The following LYRM4 variants were observed in gnomAD, a reference collection of about 807,000 sequenced individuals.
LYRM4 encodes the protein LYR motif-containing protein 4.
A neutral mutation model predicts 11.7 loss-of-function variants in LYRM4; 9 were observed. That is an observed-to-expected ratio of 0.77 (90% CI 0.46 to 1.34). The LOEUF (loss-of-function observed/expected upper bound fraction) is 1.34, where lower values mean the gene tolerates loss of function less well. LYRM4 is among the 40% of genes most tolerant of loss of function. The pLI is 0.00. For synonymous variants in LYRM4, 42 were observed against 40.4 expected (o/e 1.04, Z -0.15); for missense variants, 133 against 112.5 (o/e 1.18, Z -0.82).
the LYRM4 span, among the ~76,000 whole-genome samples, chr6:5,037,557 AG>A: frequency 1.3e-4 from 10 of 79,742 alleles, no homozygotes; most frequent in South Asian, 1.0e-3. Flanking sequence ...GGCCGGGCAG[AG>A]GGGCTCCTCA....
chr6:5,184,148 T>A (rs1394742307), intron 2 of LYRM4, among the ~76,000 whole-genome samples: 1 of 152,216 alleles, frequency 6.6e-6, no homozygotes, highest in Admixed American at 6.5e-5. Context: ...TTTCTTATCT[T>A]CAGACTTGCC....
In LYRM4 at chr6:5,226,026, T is replaced by C. The variant is rs530749501; in HGVS notation, c.87-9288A>G. ...AATCGAGTGGTCTTTTGAATGGATTTGTAAGGAGGTCTTTAAGAAGCTAGC... is the reference window on the plus strand; with the variant it reads ...AATCGAGTGGTCTTTTGAATGGATTCGTAAGGAGGTCTTTAAGAAGCTAGC... On this transcript the variant is annotated intron_variant, in intron 1 of 2. Transcript: ENST00000330636. Among the ~76,000 whole-genome samples, 4 of 152,354 alleles carry C rather than the reference T, an allele frequency of 2.6e-5. No individual in the cohort carries two copies. The East Asian group carries it at 5.8e-4, about 22-fold the overall frequency.
intron 1 of LYRM4, among the ~76,000 whole-genome samples, chr6:5,257,601 G>A (rs943902452): frequency 6.6e-6 from 1 of 152,180 alleles, no homozygotes; most frequent in Non-Finnish European, 1.5e-5. Flanking sequence ...GTGGGTGAGT[G>A]CGCATTATGG....
intron 1 of LYRM4, among the ~76,000 whole-genome samples, chr6:5,227,188 T>C (rs1471734539): frequency 6.6e-6 from 1 of 152,136 alleles, no homozygotes; most frequent in Non-Finnish European, 1.5e-5. Flanking sequence ...GTTCAGACTG[T>C]CGATAAACCT....
At chr6:5,253,265 T>C (rs1372558757) in intron 1 of LYRM4, among the ~76,000 whole-genome samples, 3 of 152,270 alleles carry the variant, frequency 2.0e-5, no homozygotes, top group East Asian at 3.8e-4. Context: ...ATAAGAGGGA[T>C]ACATTGAATA....
chr6:5,136,334 C>T (rs1174905283), intron 2 of LYRM4: 2 of 985,246 alleles, frequency 2.0e-6, no homozygotes, highest in Non-Finnish European at 2.4e-6. Flanking sequence ...GATAACTTGT[C>T]CCCTTTCCTG....
At chr6:5,214,088 C>T (rs1762127545) in intron 2 of LYRM4, among the ~76,000 whole-genome samples, 2 of 152,202 alleles carry the variant, frequency 1.3e-5, no homozygotes. Flanking sequence ...ATGACAGCGA[C>T]AGGGGAGATC....
chr6:5,164,899 C>T (rs1161429329), intron 2 of LYRM4, among the ~76,000 whole-genome samples: 4 of 136,748 alleles, frequency 2.9e-5, no homozygotes, highest in East Asian at 2.2e-4. Flanking sequence ...ACCTGGGAGG[C>T]GGAGGTTGCA....
chr6:5,246,021 T>C (rs1398887476), intron 1 of LYRM4, among the ~76,000 whole-genome samples: 1 of 152,164 alleles, frequency 6.6e-6, no homozygotes, highest in Non-Finnish European at 1.5e-5. Flanking sequence ...TTTTCCTTAT[T>C]CTTCTTCTTT....
chr6:5,054,018 A>G, the LYRM4 span: 1 of 541,434 alleles, frequency 1.8e-6, no homozygotes, highest in Non-Finnish European at 2.4e-6. Flanking sequence ...ACCAGCAGAA[A>G]ATGATTAAGA....
intron 2 of LYRM4, chr6:5,186,983 T>TAAAA: frequency 1.4e-6 from 1 of 717,262 alleles, no homozygotes; most frequent in Non-Finnish European, 1.7e-6. Context: ...GAGTCCATCT[T>TAAAA]AAAAAAAAAA....
chr6:5,207,801 C>T (rs1761782585), intron 2 of LYRM4, among the ~76,000 whole-genome samples: 1 of 152,074 alleles, frequency 6.6e-6, no homozygotes, highest in Non-Finnish European at 1.5e-5. Context: ...AGGAGCCTGG[C>T]CTCTAGGGAT....
At chr6:5,158,066 A>G (rs1758521830) in intron 2 of LYRM4, among the ~76,000 whole-genome samples, 1 of 152,232 alleles carries the variant, frequency 6.6e-6, no homozygotes, top group Admixed American at 6.5e-5. Context: ...AGAAGGAAGA[A>G]AAGAACAAAA....
At chr6:5,086,233 G>A in the LYRM4 span, 3 of 1,535,422 alleles carry the variant, frequency 2.0e-6, no homozygotes, top group African/African-American at 1.4e-5. Flanking sequence ...GGCCGTGACC[G>A]TGCGCTACAC....
chr6:5,054,040 AG>A, the LYRM4 span: 1 of 717,840 alleles, frequency 1.4e-6, no homozygotes, highest in Non-Finnish European at 1.7e-6. Flanking sequence ...GGCTATTTAC[AG>A]GGTACACAAT....
the LYRM4 span, among the ~76,000 whole-genome samples, chr6:5,062,990 G>C: frequency 6.6e-6 from 1 of 152,156 alleles, no homozygotes; most frequent in African/African-American, 2.4e-5. Context: ...GACCGTGGTG[G>C]AGGGTGGTGT....
In LYRM4 at chr6:5,163,573, G is replaced by A. The variant is rs117321864; in HGVS notation, c.207+53045C>T. Reference sequence around the variant, plus strand: ...TTTTCATGTGAATTTTTGAATGAGCGTCTCAGTTTCTGCAAAAGAAAATTT... The same window carrying A: ...TTTTCATGTGAATTTTTGAATGAGCATCTCAGTTTCTGCAAAAGAAAATTT... On this transcript the variant is annotated intron_variant, in intron 2 of 2. Transcript: ENST00000330636. 5.2e-4 allele frequency among the ~76,000 whole-genome samples: 78 copies of A among 149,222 alleles called. 2 individuals are homozygous for A. The East Asian group carries it at 0.011, about 22-fold the overall frequency.
chr6:5,077,227 C>T, the LYRM4 span, among the ~76,000 whole-genome samples: 6 of 152,246 alleles, frequency 3.9e-5, no homozygotes, highest in Non-Finnish European at 7.3e-5. Flanking sequence ...ATAAGGATTA[C>T]GGAAGACATG....
intron 2 of LYRM4, among the ~76,000 whole-genome samples, chr6:5,205,362 A>G (rs906810109): frequency 1.3e-5 from 2 of 151,968 alleles, no homozygotes; most frequent in Non-Finnish European, 2.9e-5. Flanking sequence ...GCATCCTGCA[A>G]TCTGGCTGGA....
Sources: allele counts gnomAD v4.1 joint callset (sites outside exome capture counted in the v4.1 genomes callset), GRCh38; gene constraint gnomAD v4.1.1; transcripts MANE v1.5; gene names NCBI Gene and HGNC (gene_info 2026-07-23, HGNC 2026-07-21).